Variants in SLC4A10 observed in about 807,000 individuals in gnomAD.
SLC4A10 encodes solute carrier family 4 member 10, also known as sodium-driven chloride bicarbonate exchanger.
A neutral mutation model predicts 137.7 loss-of-function variants in SLC4A10; 42 were observed. The observed-to-expected ratio is 0.30, with a 90% CI of 0.24 to 0.39. The LOEUF is 0.39. Among genes scored for constraint, SLC4A10 ranks in the 10% least tolerant of loss-of-function variants. SLC4A10 has a pLI of 1.00. For missense variants in SLC4A10, 925 were observed against 1,355.0 expected (o/e 0.68, Z 4.98); for synonymous variants, 474 against 464.1 (o/e 1.02, Z -0.27).
At chr2:161,872,447 T>C (rs956921583) in intron 7 of SLC4A10, 63 bp downstream of exon 7, 32 of 1,276,062 alleles carry the variant, frequency 2.5e-5, no homozygotes, top group Non-Finnish European at 3.4e-5. Context: ...TACTACCCAT[T>C]TTAAGAGGTG....
At chr2:161,952,292 C>G (rs1427810933) in intron 19 of SLC4A10, among the ~76,000 whole-genome samples, 1 of 152,168 alleles carries the variant, frequency 6.6e-6, no homozygotes, top group Non-Finnish European at 1.5e-5. Context: ...TCACATGACA[C>G]TTGCTCTTAC....
At chr2:161,656,042 G>C (rs545833747) in intron 1 of SLC4A10, among the ~76,000 whole-genome samples, 102 of 152,108 alleles carry the variant, frequency 6.7e-4, no homozygotes, top group Admixed American at 1.3e-3. Flanking sequence ...TCAAACTCCT[G>C]ACCTCGTGAT....
chr2:161,743,509 T>G (rs1410144526), intron 1 of SLC4A10, among the ~76,000 whole-genome samples: 1 of 152,208 alleles, frequency 6.6e-6, no homozygotes, highest in Non-Finnish European at 1.5e-5. Flanking sequence ...CCACACTGTT[T>G]TGGTTACTAT....
chr2:161,905,561 G>T, intron 14 of SLC4A10, 81 bp from the exon 15 acceptor site: 1 of 1,500,882 alleles, frequency 6.7e-7, no homozygotes, highest in East Asian at 2.3e-5. Context: ...TCCTGAATGA[G>T]GTTTATTTTC....
chr2:161,812,378 T>C (rs1250495920), intron 3 of SLC4A10, among the ~76,000 whole-genome samples: 1 of 152,098 alleles, frequency 6.6e-6, no homozygotes, highest in Non-Finnish European at 1.5e-5. Flanking sequence ...TCATTTTTTT[T>C]TAACTTTGAA....
At chr2:161,801,915 C>T (rs1348021288) in intron 2 of SLC4A10, among the ~76,000 whole-genome samples, 2 of 151,984 alleles carry the variant, frequency 1.3e-5, no homozygotes, top group Admixed American at 1.3e-4. Context: ...TTGACTCAAT[C>T]CCAGAGATCA....
intron 1 of SLC4A10, among the ~76,000 whole-genome samples, chr2:161,717,878 T>A (rs2045117565): frequency 6.6e-6 from 1 of 152,174 alleles, no homozygotes; most frequent in Non-Finnish European, 1.5e-5. Flanking sequence ...TACCAACTCC[T>A]CTTTGTACCT....
intron 15 of SLC4A10, among the ~76,000 whole-genome samples, chr2:161,936,428 G>C (rs1030793920): frequency 1.3e-5 from 2 of 152,002 alleles, no homozygotes; most frequent in South Asian, 4.1e-4. Flanking sequence ...TTTCTTTCTT[G>C]GGAGAGGCTT....
chr2:161,934,465 C>T (rs2105681631), intron 15 of SLC4A10, among the ~76,000 whole-genome samples: 1 of 152,296 alleles, frequency 6.6e-6, no homozygotes, highest in East Asian at 1.9e-4. Context: ...TAACGACCTT[C>T]ACTTCTATTC....
At chr2:161,896,420 C>A in intron 11 of SLC4A10, among the ~76,000 whole-genome samples, 1 of 152,012 alleles carries the variant, frequency 6.6e-6, no homozygotes. Context: ...TCCATATGAA[C>A]TTTAAAGTAG....
intron 6 of SLC4A10, among the ~76,000 whole-genome samples, chr2:161,867,490 T>G (rs929295287): frequency 6.6e-6 from 1 of 151,994 alleles, no homozygotes; most frequent in African/African-American, 2.4e-5. Context: ...AATATGATAT[T>G]TTCCACCGCT....
chr2:161,678,440 A>G lies in SLC4A10; in HGVS notation c.48+53874A>G, dbSNP rs186647411. ...AAAAAGTTGATTTTATTAATGCCAA[A>G]GTGAGAGACGACACGGATATTTTAA... is the stretch of plus-strand genomic sequence containing the variant. On this transcript the variant is annotated intron_variant, in intron 1 of 26. Coordinates refer to ENST00000446997, the MANE Select transcript of SLC4A10 (RefSeq NM_001178015.2). Among the ~76,000 whole-genome samples, 10 of 152,306 alleles carry G rather than the reference A, an allele frequency of 6.6e-5. No homozygotes were observed. The East Asian group carries it at 1.9e-3, about 29-fold the overall frequency.
chr2:161,859,214 A>G (rs1226215296), intron 5 of SLC4A10, among the ~76,000 whole-genome samples: 1 of 152,150 alleles, frequency 6.6e-6, no homozygotes, highest in African/African-American at 2.4e-5. Flanking sequence ...TAAAATAGTT[A>G]TCTGATAGGA....
chr2:161,835,079 A>G (rs1339801111), intron 3 of SLC4A10, among the ~76,000 whole-genome samples: 1 of 148,146 alleles, frequency 6.8e-6, no homozygotes, highest in East Asian at 2.0e-4. Flanking sequence ...GCTCTGTCAC[A>G]CAGGCTGGAG....
intron 1 of SLC4A10, among the ~76,000 whole-genome samples, chr2:161,751,839 G>C (rs193281733): frequency 6.6e-6 from 1 of 151,896 alleles, no homozygotes; most frequent in African/African-American, 2.4e-5. Context: ...GATCTTCCAA[G>C]TAGGAGTTTT....
chr2:161,865,133 G>T (rs2060662698), intron 6 of SLC4A10, among the ~76,000 whole-genome samples: 1 of 151,924 alleles, frequency 6.6e-6, no homozygotes, highest in South Asian at 2.1e-4. Context: ...TTTCATTGGA[G>T]ATAATGTTTA....
intron 1 of SLC4A10, among the ~76,000 whole-genome samples, chr2:161,766,615 A>G (rs1206896017): frequency 6.6e-6 from 1 of 152,106 alleles, no homozygotes; most frequent in African/African-American, 2.4e-5. Flanking sequence ...TGTGACATAT[A>G]TTTGACTATG....
chr2:161,675,590 T>G (rs1368702383), intron 1 of SLC4A10, among the ~76,000 whole-genome samples: 1 of 152,098 alleles, frequency 6.6e-6, no homozygotes, highest in Admixed American at 6.6e-5. Context: ...TCTTGACCTC[T>G]TTGGGTTTAC....
At chr2:161,928,443 A>C (rs1194751907) in intron 15 of SLC4A10, among the ~76,000 whole-genome samples, 3 of 150,788 alleles carry the variant, frequency 2.0e-5, no homozygotes, top group Non-Finnish European at 4.4e-5. Flanking sequence ...TAATGGGTGC[A>C]GCACACCAGC....
Sources: gnomAD v4.1 joint callset for allele counts (sites outside exome capture counted in the v4.1 genomes callset) on GRCh38, gnomAD v4.1.1 for gene constraint, MANE v1.5 for transcripts, NCBI Gene and HGNC (gene_info 2026-07-23, HGNC 2026-07-21) for gene names.